ANK1: variants seen among roughly 807,000 people sequenced by gnomAD.
ANK1 encodes the protein ankyrin 1, also known as ankyrin-1.
A neutral mutation model predicts 210.4 loss-of-function variants in ANK1; 51 were observed. The observed-to-expected ratio is 0.24, with a 90% CI of 0.19 to 0.31. The LOEUF is 0.31. Ranked by LOEUF, ANK1 falls within the 10% of genes least tolerant of loss-of-function variation. The probability of loss-of-function intolerance (pLI) is 1.00; values close to 1 mark genes in which losing one functional copy is unlikely to be tolerated. For missense variants in ANK1, 2,051 were observed against 2,504.4 expected (o/e 0.82, Z 3.86); for synonymous variants, 967 against 1,025.9 (o/e 0.94, Z 1.10).
chr8:41,755,925 A>G (rs557854750), intron 2 of ANK1, among the ~76,000 whole-genome samples: 1 of 152,270 alleles, frequency 6.6e-6, no homozygotes, highest in East Asian at 1.9e-4. Context: ...AATTCCAGTC[A>G]GGTCCACATA....
chr8:41,801,987 T>A (rs112040650), upstream of ANK1, among the ~76,000 whole-genome samples: 1,740 of 152,308 alleles, frequency 0.011, 18 homozygotes, highest in Non-Finnish European at 0.018. Flanking sequence ...TTTGTTTTGT[T>A]TTGTTTTGTT....
At position 41,698,208 on chromosome 8, in the gene ANK1, C is replaced by T. The variant is rs375724643; in HGVS notation, c.2559-87G>A. 1.3e-4 allele frequency: 188 copies of T among 1,394,202 alleles called. 1 individual carries two copies. In the African/African-American group the frequency reaches 1.9e-3, roughly 14 times the overall value. The allele number at this position is 1,394,202 out of a possible 1,614,324, so 86.4% of individuals were successfully genotyped here. A position where few individuals can be genotyped will look rare whatever the true frequency, so the allele number is the denominator to read the frequency against. ...CCTCTTGCCTCCAAGCCTCTCCCTC[C>T]GGCTTTCCACTCCAGAGCCTGACTG... On this transcript the variant is annotated intron_variant, in intron 23 of 42. Transcript: ENST00000289734.
chr8:41,708,313 G>A (rs553647717), intron 17 of ANK1, among the ~76,000 whole-genome samples: 3 of 152,268 alleles, frequency 2.0e-5, no homozygotes, highest in East Asian at 3.9e-4. Flanking sequence ...AGATGTGTGC[G>A]CAATTTTAGA....
intron 39 of ANK1, among the ~76,000 whole-genome samples, chr8:41,667,130 C>A (rs966554323): frequency 1.3e-5 from 2 of 152,208 alleles, no homozygotes; most frequent in Admixed American, 1.3e-4. Flanking sequence ...AACGGACGGG[C>A]CGCCTGTGGT....
chr8:41,891,827 TG>T (rs1178280881), intron 1 of ANK1, among the ~76,000 whole-genome samples: 1 of 152,210 alleles, frequency 6.6e-6, no homozygotes, highest in African/African-American at 2.4e-5. Flanking sequence ...ACCAAAGTTG[TG>T]ATATGTTTTA....
At chr8:41,734,646 C>A (rs1363645212) in intron 2 of ANK1, among the ~76,000 whole-genome samples, 1 of 151,878 alleles carries the variant, frequency 6.6e-6, no homozygotes, top group Non-Finnish European at 1.5e-5. Flanking sequence ...AGTCGCAGCG[C>A]TTTGGGAGGC....
At chr8:41,700,490 C>A in intron 22 of ANK1, 1 of 1,608,892 alleles carries the variant, frequency 6.2e-7, no homozygotes, top group Non-Finnish European at 8.5e-7. Context: ...GAAAGAAGGA[C>A]CACATTGAAG....
At chr8:41,891,030 G>A (rs930637134) in intron 1 of ANK1, among the ~76,000 whole-genome samples, 16 of 152,194 alleles carry the variant, frequency 1.1e-4, no homozygotes, top group African/African-American at 2.9e-4. Context: ...GTGTGTATGC[G>A]TGGAAGGTGC....
chr8:41,887,769 A>C (rs769260186), intron 1 of ANK1, among the ~76,000 whole-genome samples: 3 of 152,256 alleles, frequency 2.0e-5, no homozygotes, highest in Non-Finnish European at 2.9e-5. Flanking sequence ...TGAACATAAC[A>C]CAACAACTGA....
intron 37 of ANK1, among the ~76,000 whole-genome samples, chr8:41,681,153 C>T (rs574657815): frequency 4.6e-5 from 7 of 152,254 alleles, no homozygotes; most frequent in African/African-American, 1.2e-4. Flanking sequence ...GACAGCCTCA[C>T]CCTAGACAAG....
chr8:41,885,493 C>T (rs1409046550), intron 1 of ANK1, among the ~76,000 whole-genome samples: 4 of 152,220 alleles, frequency 2.6e-5, no homozygotes, highest in African/African-American at 9.7e-5. Flanking sequence ...TAAAACACCA[C>T]GATTTCCAGA....
At chr8:41,871,994 GC>G (rs1815608031) in intron 1 of ANK1, among the ~76,000 whole-genome samples, 1 of 152,194 alleles carries the variant, frequency 6.6e-6, no homozygotes, top group South Asian at 2.1e-4. Context: ...AGATGACAAG[GC>G]CGCAGCAGCC....
At chr8:41,879,705 G>C (rs918529048) in intron 1 of ANK1, among the ~76,000 whole-genome samples, 2 of 152,190 alleles carry the variant, frequency 1.3e-5, no homozygotes, top group African/African-American at 4.8e-5. Context: ...GAGTGAGAAG[G>C]ACCAACAACC....
In ANK1 at chr8:41,730,935, G is replaced by A. The variant is rs117277893; in HGVS notation, c.229-2929C>T. 4.3e-4 allele frequency among the ~76,000 whole-genome samples: 65 copies of A among 152,346 alleles called. No homozygotes were observed. In the East Asian group the frequency reaches 0.012, roughly 28 times the overall value. On this transcript the variant is annotated intron_variant, in intron 3 of 42. Transcript: ENST00000289734. ...GGTTTCTTTCCAACTGACCCTTCCTGCCTGAAGTCCAATGATATGAGAGCT... is the reference window on the plus strand; with the variant it reads ...GGTTTCTTTCCAACTGACCCTTCCTACCTGAAGTCCAATGATATGAGAGCT...
intron 2 of ANK1, among the ~76,000 whole-genome samples, chr8:41,739,408 A>C (rs1834160096): frequency 6.6e-6 from 1 of 151,944 alleles, no homozygotes; most frequent in South Asian, 2.1e-4. Flanking sequence ...CATATTAATC[A>C]TAGTTATTTT....
chr8:41,708,987 GA>G lies in ANK1; in HGVS notation c.1801-13del. ...GGGGTGTAGCCATTCTGAAACAGAA[GA>G]AGCCGCCCAGAGCCTGGTTACAGGA... On this transcript the variant is annotated splice_polypyrimidine_tract_variant and intron_variant, in intron 16 of 42. Transcript: ENST00000289734. 1.2e-6 allele frequency: 2 copies of G among 1,613,582 alleles called. No individual in the cohort carries two copies.
intron 29 of ANK1, 90 bp from the exon 30 acceptor site, chr8:41,693,291 G>A: frequency 8.5e-7 from 1 of 1,179,646 alleles, no homozygotes; most frequent in Admixed American, 1.7e-5. Flanking sequence ...TGTGCAAGGT[G>A]AGACTGGGTG....
intron 1 of ANK1, among the ~76,000 whole-genome samples, chr8:41,830,756 C>A (rs1470714942): frequency 1.3e-5 from 2 of 152,136 alleles, no homozygotes; most frequent in Admixed American, 1.3e-4. Context: ...AGTTCTGTGT[C>A]GGTTCTGCTT....
chr8:41,820,212 T>C (rs780597098), intron 1 of ANK1, among the ~76,000 whole-genome samples: 1 of 151,774 alleles, frequency 6.6e-6, no homozygotes, highest in Non-Finnish European at 1.5e-5. Flanking sequence ...CAGGCTGGAA[T>C]GCAATGGTAC....
Sources: gnomAD v4.1 joint callset for allele counts (sites outside exome capture counted in the v4.1 genomes callset) on GRCh38, gnomAD v4.1.1 for gene constraint, MANE v1.5 for transcripts, NCBI Gene and HGNC (gene_info 2026-07-23, HGNC 2026-07-21) for gene names.